The following MUC22 variants were observed in gnomAD, a reference collection of about 807,000 sequenced individuals.
MUC22 encodes mucin 22.
A neutral mutation model predicts 40.3 loss-of-function variants in MUC22; 24 were observed. That is an observed-to-expected ratio of 0.60 (90% confidence interval 0.43 to 0.84). The LOEUF (loss-of-function observed/expected upper bound fraction) is 0.84. Ranked by LOEUF, MUC22 falls within the 40% of genes least tolerant of loss-of-function variation. The pLI, the probability that MUC22 is intolerant of heterozygous loss-of-function variation, is 0.00. For synonymous variants in MUC22, 765 were observed against 844.5 expected, an observed-to-expected ratio of 0.91 and a Z score of 1.63; for missense variants, 1,926 against 2,130.7, an observed-to-expected ratio of 0.90 and a Z score of 1.89.
intron 1 of MUC22, 73 bp downstream of exon 1, chr6:31,010,849 C>G: frequency 1.5e-6 from 1 of 689,648 alleles, no homozygotes; most frequent in East Asian, 2.7e-5. Context: ...TGGGGAATCC[C>G]CTGCCCAGGC....
At chr6:31,025,238 ACTG>A (rs1765181518) in intron 1 of MUC22, among the ~76,000 whole-genome samples, 1 of 152,044 alleles carries the variant, frequency 6.6e-6, no homozygotes, top group Non-Finnish European at 1.5e-5. Flanking sequence ...AAGCAGCACC[ACTG>A]CTTTCTTTAA....
intron 1 of MUC22, among the ~76,000 whole-genome samples, chr6:31,022,353 G>A (rs1217520229): frequency 6.6e-6 from 1 of 151,996 alleles, no homozygotes; most frequent in African/African-American, 2.4e-5. Context: ...TAGTACAGAT[G>A]GGGGTTCTCA....
In MUC22 at chr6:31,011,276, TTTG is replaced by T. The variant is rs1208606041; in HGVS notation, c.70+501_70+503del. On this transcript the variant is annotated intron_variant, in intron 1 of 3. Coordinates refer to ENST00000561890, the Ensembl canonical transcript of MUC22. This position sits in a 1 kb window ranked among gnomAD's most constrained non-coding sequence, Gnocchi z 4.5. ...GTGCTTTATTGGTGAATTGTGAGAC[TTTG>T]GTGCACCCGTCACCAAGCAGTGTAC... Among the ~76,000 whole-genome samples, 188 of 152,210 alleles carry T rather than the reference TTTG, an allele frequency of 1.2e-3. 2 individuals carry two copies. Among genetic ancestry groups the T allele is most frequent in the Non-Finnish European group, 1.6e-3 (108 of 68,012 alleles).
Position 31,026,668 on chromosome 6 carries a change from G to A in MUC22, c.1237G>A (p.Asp413Asn), listed in dbSNP as rs1765387983. The change falls in exon 2 of 4, where the codon GAT becomes AAT. Residue 413 changes from aspartate (D) to asparagine (N), a missense_variant. Physicochemically the swap from Asp to Asn is conservative, Grantham distance 23. This residue lies in a region of MUC22 where 1,281 missense variants were observed against 1,337.8 expected (regional missense o/e 0.96). Coordinates refer to ENST00000561890, the Ensembl canonical transcript of MUC22. ...TGAGACCACCACAGCCTATACTGCA[G>A]ATTCTGAGACCACTGCAGCCTCTAC... 2.7e-6 allele frequency: 4 copies of A among 1,507,074 alleles called. No individual in the cohort carries two copies. In the African/African-American group the frequency reaches 4.2e-5, roughly 16 times the overall value. The allele number at this position is 1,507,074 out of a possible 1,614,324, so 93.4% of individuals were successfully genotyped here.
intron 1 of MUC22, among the ~76,000 whole-genome samples, chr6:31,020,323 G>A (rs1003325978): frequency 2.0e-5 from 3 of 147,824 alleles, no homozygotes; most frequent in Non-Finnish European, 4.5e-5. Context: ...AATACTGAAA[G>A]AAAAAAATAC....
At chr6:31,022,932 C>G (rs1269706055) in intron 1 of MUC22, among the ~76,000 whole-genome samples, 5 of 152,030 alleles carry the variant, frequency 3.3e-5, no homozygotes, top group Non-Finnish European at 7.4e-5. Flanking sequence ...GAGTTAGAGA[C>G]CAGCCTGGGC....
rs1286487686 is a variant in MUC22 at position 31,026,440 on chromosome 6, A to T, written c.1009A>T (p.Thr337Ser). 2.3e-5 allele frequency: 34 copies of T among 1,507,538 alleles called. 4 individuals carry two copies. The highest frequency in any genetic ancestry group is 2.7e-5 in the Non-Finnish European group (31 of 1,128,750). The allele number at this position is 1,507,538 out of a possible 1,614,324, so 93.4% of individuals were successfully genotyped here. A position where few individuals can be genotyped will look rare whatever the true frequency, so the allele number is the denominator to read the frequency against. ...CACAGTCTCTAGTGCAGGCTCTGGG[A>T]CCACCACAGCTTCTATGGCAGGCTC... The change falls in exon 2 of 4, where the codon ACC becomes TCC. Residue 337 changes from threonine to serine, a missense_variant. By Grantham distance (58) the Thr-to-Ser change is moderately conservative. This residue lies in a region of MUC22 where 1,281 missense variants were observed against 1,337.8 expected (regional missense o/e 0.96). Transcript: ENST00000561890.
chr6:31,010,232 C>G (rs1763769947), upstream of MUC22, among the ~76,000 whole-genome samples: 1 of 152,164 alleles, frequency 6.6e-6, no homozygotes, highest in African/African-American at 2.4e-5. Flanking sequence ...GGGTGGGTCC[C>G]TTCCACTCCG....
chr6:31,022,656 C>G (rs1312798824), intron 1 of MUC22, among the ~76,000 whole-genome samples: 3 of 151,730 alleles, frequency 2.0e-5, no homozygotes, highest in African/African-American at 7.3e-5. Context: ...AACAGTGGTA[C>G]AAGGGATAGA....
chr6:31,026,994 A>G, exon 2 of MUC22: 1 of 1,493,418 alleles, frequency 6.7e-7, no homozygotes, highest in Non-Finnish European at 8.9e-7. Flanking sequence ...CATTTACTGA[A>G]GATTCTAAGA....
In MUC22 at chr6:31,027,172, G is replaced by A. The variant is rs1235934599; in HGVS notation, c.1741G>A (p.Ala581Thr). The change falls in exon 2 of 4, where the codon GCA (alanine) becomes ACA (threonine). Residue 581 changes from alanine to threonine, a missense_variant. Ala to Thr is a moderately conservative substitution (Grantham distance 58). Transcript: ENST00000561890. ...CTCTGAGGTGACCACAGTCTTTGCT[G>A]CAGGCTCTGAGACAATCAGAGCCTC... is the stretch of plus-strand genomic sequence containing the variant. The A allele has an allele frequency of 2.7e-6, 4 of 1,490,244 alleles. No homozygotes were observed. In the African/African-American group the frequency reaches 5.6e-5, roughly 21 times the overall value. The allele number at this position is 1,490,244 out of a possible 1,614,324, so 92.3% of individuals were successfully genotyped here. A position where few individuals can be genotyped will look rare whatever the true frequency, so the allele number is the denominator to read the frequency against.
upstream of MUC22, among the ~76,000 whole-genome samples, chr6:31,008,537 G>GTTTTCT (rs1028060776): frequency 6.7e-6 from 1 of 149,222 alleles, no homozygotes; most frequent in Non-Finnish European, 1.5e-5. Flanking sequence ...CTGAAACATT[G>GTTTTCT]TTTTCTTTTT....
exon 4 of MUC22, chr6:31,034,942 C>T: frequency 2.0e-6 from 3 of 1,534,648 alleles, no homozygotes; most frequent in East Asian, 2.4e-5. Context: ...CCACTGAGGA[C>T]ACCATGGAGT....
At chr6:31,017,519 G>A (rs9348847) in intron 1 of MUC22, among the ~76,000 whole-genome samples, 1 of 150,926 alleles carries the variant, frequency 6.6e-6, no homozygotes, top group South Asian at 2.1e-4. Flanking sequence ...GTGGGGACTT[G>A]GAGAATCTTT....
intron 1 of MUC22, among the ~76,000 whole-genome samples, chr6:31,013,876 G>GT (rs201291023): frequency 0.12 from 18,096 of 151,500 alleles, 1,249 homozygotes; most frequent in African/African-American, 0.17. Context: ...AGGTTTTTTG[G>GT]GTTTTTTTTC....
exon 2 of MUC22, chr6:31,026,024 C>A: frequency 6.5e-7 from 1 of 1,529,624 alleles, no homozygotes; most frequent in Non-Finnish European, 8.8e-7. Flanking sequence ...ACCACCACCA[C>A]CTCCACTGCA....
chr6:31,024,693 T>C (rs1475294424), intron 1 of MUC22, among the ~76,000 whole-genome samples: 1 of 152,104 alleles, frequency 6.6e-6, no homozygotes, highest in Non-Finnish European at 1.5e-5. Context: ...GCTTCAGAGA[T>C]TATGGTTAGA....
At chr6:31,027,070 ATGG>A in exon 2 of MUC22, 1 of 1,494,912 alleles carries the variant, frequency 6.7e-7, no homozygotes, top group East Asian at 2.5e-5. Flanking sequence ...TGAGCCTACC[ATGG>A]CATCCACCAT....
chr6:31,026,858 C>CGGG, exon 2 of MUC22: 1 of 1,494,332 alleles, frequency 6.7e-7, no homozygotes, highest in Non-Finnish European at 9.0e-7. Context: ...CATTCTGAGA[C>CGGG]GACTGCAGCC....
Sources: gnomAD v4.1 joint callset for allele counts (sites outside exome capture counted in the v4.1 genomes callset) on GRCh38, gnomAD v4.1.1 for gene constraint, gnomAD v4.1.1 regional missense constraint, Gnocchi (gnomAD v3.1) non-coding constraint, MANE v1.5 for transcripts, NCBI Gene and HGNC (gene_info 2026-07-23, HGNC 2026-07-21) for gene names.